ROCK1: variants seen among roughly 807,000 people sequenced by gnomAD.
ROCK1 encodes the protein Rho associated coiled-coil containing protein kinase 1.
Under a neutral mutation model 196.8 loss-of-function variants are expected in ROCK1, and 36 were observed. The observed-to-expected ratio is 0.18, with a 90% CI of 0.14 to 0.24. The LOEUF is 0.24. Among genes scored for constraint, ROCK1 ranks in the 10% least tolerant of loss-of-function variants. The probability of loss-of-function intolerance (pLI) is 1.00; values close to 1 mark genes in which losing one functional copy is unlikely to be tolerated. For missense variants in ROCK1, 920 were observed against 1,562.0 expected (o/e 0.59, Z 6.93); for synonymous variants, 443 against 515.9 (o/e 0.86, Z 1.91).
At chr18:20,979,791 C>A in intron 22 of ROCK1, 119 bp downstream of exon 22, 2 of 1,201,454 alleles carry the variant, frequency 1.7e-6, no homozygotes, top group Non-Finnish European at 1.1e-6. Context: ...TCTGAATTAG[C>A]CCAATAAACT....
intron 29 of ROCK1, among the ~76,000 whole-genome samples, chr18:20,959,132 A>ATATATATATTATAAAATATATATAT (rs1568367512): frequency 1.9e-5 from 1 of 52,174 alleles, no homozygotes; most frequent in South Asian, 3.6e-4. Flanking sequence ...TATATATATT[A>ATATATATATTATAAAATATATATAT]TATATATTAT....
chr18:20,968,546 T>C (rs2035396008), intron 25 of ROCK1: 1 of 424,784 alleles, frequency 2.4e-6, no homozygotes, highest in Non-Finnish European at 4.1e-6. Context: ...CCTTAAGTGT[T>C]CTGCTGGCCT....
intron 9 of ROCK1, 37 bp from the exon 10 acceptor site, chr18:21,028,972 T>G: frequency 6.3e-7 from 1 of 1,589,318 alleles, no homozygotes; most frequent in Non-Finnish European, 8.5e-7. Flanking sequence ...CACTTCAAAC[T>G]TAAAATACAA....
At chr18:21,008,595 C>T in intron 13 of ROCK1, among the ~76,000 whole-genome samples, 1 of 152,186 alleles carries the variant, frequency 6.6e-6, no homozygotes, top group East Asian at 1.9e-4. Context: ...ATTTTCACAA[C>T]TTAAAAATGT....
chr18:20,981,166 G>A (rs1230544852), intron 21 of ROCK1, among the ~76,000 whole-genome samples: 3 of 152,026 alleles, frequency 2.0e-5, no homozygotes, highest in Non-Finnish European at 2.9e-5. Context: ...AGGCCGAGGC[G>A]GGCAGATCAT....
intron 18 of ROCK1, among the ~76,000 whole-genome samples, chr18:20,989,968 C>T (rs980766915): frequency 1.3e-5 from 2 of 152,026 alleles, no homozygotes; most frequent in Admixed American, 1.3e-4. Flanking sequence ...GACAGCCAAG[C>T]ATGGTGGCTC....
At chr18:20,983,793 A>G (rs1409750837) in intron 20 of ROCK1, among the ~76,000 whole-genome samples, 1 of 152,228 alleles carries the variant, frequency 6.6e-6, no homozygotes, top group African/African-American at 2.4e-5. Flanking sequence ...AAATGAAGCT[A>G]GCAAGTGATG....
intron 1 of ROCK1, among the ~76,000 whole-genome samples, chr18:21,078,345 C>CACAA (rs1227155281): frequency 0.012 from 1,518 of 127,266 alleles, 25 homozygotes; most frequent in African/African-American, 0.039. Context: ...CCCACCTACA[C>CACAA]ACACACACAC....
At chr18:21,099,665 A>C (rs1344033491) in intron 1 of ROCK1, among the ~76,000 whole-genome samples, 2 of 152,220 alleles carry the variant, frequency 1.3e-5, no homozygotes, top group African/African-American at 4.8e-5. Context: ...GAATCGCTTG[A>C]GCCCAGGAGG....
At chr18:21,048,402 T>C (rs572400103) in intron 4 of ROCK1, among the ~76,000 whole-genome samples, 3 of 152,206 alleles carry the variant, frequency 2.0e-5, no homozygotes, top group African/African-American at 7.2e-5. Context: ...GAGAGCCTCA[T>C]GTTTGGGGAA....
chr18:21,084,731 T>G (rs553995966), intron 1 of ROCK1, among the ~76,000 whole-genome samples: 1 of 152,348 alleles, frequency 6.6e-6, no homozygotes, highest in South Asian at 2.1e-4. Flanking sequence ...AATTACCACC[T>G]GATCAGTAAT....
rs554764785 is a variant in ROCK1, at chr18:21,023,721, A to T, written c.1212-41T>A. ...GTTTAAAAAGAAAAGAAAACAAAAA[A>T]CTCTGTAATATCCCATGACAACCAA... is the stretch of plus-strand genomic sequence containing the variant. On this transcript the variant is annotated intron_variant, in intron 10 of 32. Transcript: ENST00000399799. The T allele has an allele frequency of 1.2e-5, 13 of 1,091,236 alleles. No individual in the cohort carries two copies. The South Asian group carries it at 1.7e-4, about 15-fold the overall frequency. 67.6% of individuals were successfully genotyped at this position (1,091,236 alleles called of 1,614,324 possible).
intron 16 of ROCK1, among the ~76,000 whole-genome samples, chr18:20,993,970 T>G (rs1015826217): frequency 1.3e-5 from 2 of 152,212 alleles, no homozygotes; most frequent in Non-Finnish European, 2.9e-5. Flanking sequence ...AAAGTACAGT[T>G]TGACTTACTG....
chr18:21,053,641 G>A, intron 2 of ROCK1, among the ~76,000 whole-genome samples: 1 of 152,106 alleles, frequency 6.6e-6, no homozygotes, highest in East Asian at 1.9e-4. Flanking sequence ...TTTGAAACCA[G>A]CCTGGACAAC....
chr18:21,078,693 C>G (rs564223956), intron 1 of ROCK1, among the ~76,000 whole-genome samples: 1 of 152,254 alleles, frequency 6.6e-6, no homozygotes, highest in South Asian at 2.1e-4. Flanking sequence ...CCTGGGCATT[C>G]CTTCTTAAAA....
At chr18:20,988,468 CTTT>C (rs1019617009) in intron 18 of ROCK1, among the ~76,000 whole-genome samples, 7 of 152,100 alleles carry the variant, frequency 4.6e-5, no homozygotes, top group African/African-American at 1.2e-4. Flanking sequence ...ACTGATCTCC[CTTT>C]TTATCACTGT....
intron 10 of ROCK1, among the ~76,000 whole-genome samples, chr18:21,025,416 A>C (rs1207525886): frequency 1.3e-5 from 2 of 152,192 alleles, no homozygotes; most frequent in Non-Finnish European, 2.9e-5. Context: ...TATTACAATA[A>C]AGCTAATCAA....
At chr18:21,080,983 G>A (rs1023825173) in intron 1 of ROCK1, among the ~76,000 whole-genome samples, 1 of 151,962 alleles carries the variant, frequency 6.6e-6, no homozygotes, top group Non-Finnish European at 1.5e-5. Flanking sequence ...AAAAAACAGA[G>A]GACATGAACG....
intron 1 of ROCK1, among the ~76,000 whole-genome samples, chr18:21,077,849 C>T (rs566627279): frequency 6.6e-6 from 1 of 152,202 alleles, no homozygotes; most frequent in African/African-American, 2.4e-5. Flanking sequence ...TTTTCTGAGG[C>T]TTTTTTGGTA....
Sources: allele counts gnomAD v4.1 joint callset (sites outside exome capture counted in the v4.1 genomes callset), GRCh38; gene constraint gnomAD v4.1.1; transcripts MANE v1.5; gene names NCBI Gene and HGNC (gene_info 2026-07-23, HGNC 2026-07-21).